Variants in MISP observed in about 807,000 individuals in gnomAD.
MISP encodes the protein mitotic interactor and substrate of PLK1.
MISP carries 51 observed loss-of-function variants against 49.3 expected under a neutral mutation model. The observed-to-expected ratio is 1.03, with a 90% CI of 0.83 to 1.31. The LOEUF is 1.31. Ranked by LOEUF, MISP falls within the 50% of genes most tolerant of loss-of-function variation. MISP has a pLI of 0.00. For synonymous variants in MISP, 444 were observed against 392.6 expected (o/e 1.13, Z -1.55); for missense variants, 1,084 against 935.1 (o/e 1.16, Z -2.08).
intron 1 of MISP, among the ~76,000 whole-genome samples, chr19:753,542 C>T (rs1324472307): frequency 2.0e-5 from 3 of 151,536 alleles, no homozygotes. Context: ...CCCGCCAGCA[C>T]ACCCGGTTAA....
At position 758,369 on chromosome 19, in the gene MISP, G is replaced by A. The variant is rs2033611580; in HGVS notation, c.1423G>A (p.Gly475Arg). 6.2e-6 allele frequency: 10 copies of A among 1,614,152 alleles called. No homozygotes were observed. Among genetic ancestry groups the A allele is most frequent in the Non-Finnish European group, 8.5e-6 (10 of 1,180,002 alleles). The change falls in exon 2 of 5, where the codon GGA (glycine) becomes AGA (arginine). Residue 475 changes from glycine to arginine, a missense_variant. Gly to Arg is a moderately radical substitution (Grantham distance 125). Coordinates refer to ENST00000215582, the MANE Select transcript of MISP (RefSeq NM_173481.4). Reference protein sequence around the residue: ...MSPRHLSESSGKPLSTKQEAS... With the variant: ...MSPRHLSESSRKPLSTKQEAS... The stretch of plus-strand genomic sequence containing the variant: ...CCCGAGGCATCTCTCAGAATCCTCT[G>A]GAAAACCCCTGAGCACAAAGCAAGA...
chr19:756,187 C>T (rs1215216035), intron 1 of MISP, among the ~76,000 whole-genome samples: 3 of 152,148 alleles, frequency 2.0e-5, no homozygotes, highest in Non-Finnish European at 2.9e-5. Context: ...CATTTACGTC[C>T]CCAGCAATTC....
chr19:754,826 A>AGGTTTGGGGTGGAGGAAGAGGGCCT (rs562906232), intron 1 of MISP, among the ~76,000 whole-genome samples: 1 of 150,154 alleles, frequency 6.7e-6, no homozygotes, highest in African/African-American at 2.5e-5. Flanking sequence ...GAGGAGGGCG[A>AGGTTTGGGGTGGAGGAAGAGGGCCT]GGTTTGGGGT....
chr19:754,971 G>A (rs1359704343), intron 1 of MISP, among the ~76,000 whole-genome samples: 1 of 148,906 alleles, frequency 6.7e-6, no homozygotes, highest in Non-Finnish European at 1.5e-5. Flanking sequence ...GAAGAGGAGG[G>A]CCTGGCTTGG....
chr19:760,772 G>A (rs78023653), intron 3 of MISP, among the ~76,000 whole-genome samples: 4,243 of 152,022 alleles, frequency 0.028, 242 homozygotes, highest in African/African-American at 0.097. Context: ...GGGAGGGAGA[G>A]GGAGAGACGG....
upstream of MISP, among the ~76,000 whole-genome samples, chr19:749,780 T>C (rs113642424): frequency 0.13 from 19,753 of 151,784 alleles, 1,575 homozygotes; most frequent in South Asian, 0.24. Context: ...GCCGAGATCG[T>C]GCCACTGCAC....
intron 2 of MISP, among the ~76,000 whole-genome samples, chr19:759,042 G>C (rs572497598): frequency 1.1e-4 from 16 of 152,114 alleles, no homozygotes; most frequent in Admixed American, 4.6e-4. Flanking sequence ...TTTCTTTTTT[G>C]AGACGGAGTC....
At chr19:752,566 C>T (rs1568239809) in intron 1 of MISP, among the ~76,000 whole-genome samples, 2 of 149,438 alleles carry the variant, frequency 1.3e-5, no homozygotes, top group Non-Finnish European at 3.0e-5. Context: ...GAGGCACAGG[C>T]AGCAGGGGAG....
rs956429301 is a variant in MISP at position 763,704 on chromosome 19, C to T, written c.*114C>T. On this transcript the variant is annotated 3_prime_UTR_variant, in exon 5 of 5. Coordinates refer to ENST00000215582, the MANE Select transcript of MISP (RefSeq NM_173481.4). ...GGTCCTAGGTCCAGGATCCAAGAACCACAGCTCATCTGCCAACAATCCCAC... is the reference window on the plus strand; with the variant it reads ...GGTCCTAGGTCCAGGATCCAAGAACTACAGCTCATCTGCCAACAATCCCAC... 3.7e-5 allele frequency: 26 copies of T among 704,458 alleles called. No homozygotes were observed. In the African/African-American group the frequency reaches 4.1e-4, roughly 11 times the overall value. 43.6% of individuals were successfully genotyped at this position (704,458 alleles called of 1,614,324 possible).
At chr19:755,531 T>A (rs1353658123) in intron 1 of MISP, among the ~76,000 whole-genome samples, 1 of 152,002 alleles carries the variant, frequency 6.6e-6, no homozygotes, top group Non-Finnish European at 1.5e-5. Context: ...TCTGTAATTG[T>A]CAGATGGAAA....
intron 1 of MISP, among the ~76,000 whole-genome samples, chr19:754,772 A>T (rs888207885): frequency 1.3e-5 from 2 of 152,180 alleles, no homozygotes; most frequent in Non-Finnish European, 2.9e-5. Flanking sequence ...GCCGTGGAGA[A>T]GCAGAAACAG....
rs8107847 is a variant in MISP, at chr19:763,508, A to G, written c.1958A>G (p.Glu653Gly). The G allele has an allele frequency of 8.6e-3, 13,826 of 1,613,714 alleles. 1,027 individuals carry two copies. In the African/African-American group the frequency reaches 0.16, roughly 19 times the overall value. Residue 653 changes from glutamate to glycine, a missense_variant, in exon 5 of 5, where the codon GAA becomes GGA. By Grantham distance (98) the Glu-to-Gly change is moderately conservative (BLOSUM62 -2). Transcript: ENST00000215582. Reference protein sequence around the residue: ...PSDGINSEVLEAIRVTRHKNA... With the variant: ...PSDGINSEVLGAIRVTRHKNA... ...CATGCCTCCTTTTTGCAGGTCCTGG[A>G]AGCCATACGGGTGACCCGTCACAAG...
intron 2 of MISP, 140 bp downstream of exon 2, chr19:758,866 T>C (rs1734900622): frequency 1.5e-6 from 1 of 647,680 alleles, no homozygotes; most frequent in African/African-American, 1.8e-5. Context: ...ATCCCCTCAG[T>C]CGCTGGTTTG....
At chr19:763,436 T>C in intron 4 of MISP, 65 bp from the exon 5 acceptor site, 1 of 1,180,240 alleles carries the variant, frequency 8.5e-7, no homozygotes, top group Non-Finnish European at 1.3e-6. Context: ...AATTGGCAGT[T>C]GGAGGAGACA....
intron 4 of MISP, among the ~76,000 whole-genome samples, 179 bp downstream of exon 4, chr19:761,842 G>C (rs1414420753): frequency 6.6e-6 from 1 of 152,168 alleles, no homozygotes; most frequent in Non-Finnish European, 1.5e-5. Flanking sequence ...GTCTGCCATG[G>C]GCATGGATTA....
chr19:753,373 T>C (rs931970096), intron 1 of MISP, among the ~76,000 whole-genome samples: 10 of 151,618 alleles, frequency 6.6e-5, no homozygotes, highest in African/African-American at 2.4e-4. Context: ...AAGTTTTTCT[T>C]TTTTTTTCTT....
Position 764,071 on chromosome 19 carries a change from A to G in MISP, c.*481A>G, listed in dbSNP as rs971972547. ...GAGAGGGGAGACCTGCCCCTTTCCA[A>G]CCCTGGGAAACCATCCAGTCTGAGG... On this transcript the variant is annotated 3_prime_UTR_variant, in exon 5 of 5. Transcript: ENST00000215582. 1.3e-5 allele frequency: 2 copies of G among 154,388 alleles called. No homozygotes were observed. The highest frequency in any genetic ancestry group is 4.8e-5 in the African/African-American group (2 of 41,384). 9.6% of individuals were successfully genotyped at this position (154,388 alleles called of 1,614,324 possible). A position where few individuals can be genotyped will look rare whatever the true frequency, so the allele number is the denominator to read the frequency against.
In MISP at chr19:758,075, A is replaced by G; in HGVS notation, c.1129A>G (p.Thr377Ala). Reference protein sequence around the residue: ...REGLHVGRASTPDWVSEGPQP... With the variant: ...REGLHVGRASAPDWVSEGPQP... ...GGGCCTGCACGTGGGCCGGGCGTCCACACCCGACTGGGTCTCGGAGGGTCC... is the reference window on the plus strand; with the variant it reads ...GGGCCTGCACGTGGGCCGGGCGTCCGCACCCGACTGGGTCTCGGAGGGTCC... Residue 377 changes from threonine to alanine, a missense_variant, in exon 2 of 5, where the codon ACA becomes GCA. Physicochemically the swap from Thr to Ala is moderately conservative, Grantham distance 58 (BLOSUM62 0). Coordinates refer to ENST00000215582, the MANE Select transcript of MISP (RefSeq NM_173481.4). The G allele has an allele frequency of 1.9e-6, 3 of 1,575,608 alleles. No homozygotes were observed. In the Admixed American group the frequency reaches 5.3e-5, roughly 28 times the overall value.
At chr19:760,121 T>G (rs1001049191) in intron 3 of MISP, 82 bp downstream of exon 3, 48 of 1,552,430 alleles carry the variant, frequency 3.1e-5, no homozygotes, top group Non-Finnish European at 3.9e-5. Context: ...CAAGCAGGAC[T>G]CAAGCCTGAC....
Sources: gnomAD v4.1 joint callset for allele counts (sites outside exome capture counted in the v4.1 genomes callset) on GRCh38, gnomAD v4.1.1 for gene constraint, MANE v1.5 for transcripts, NCBI Gene and HGNC (gene_info 2026-07-23, HGNC 2026-07-21) for gene names.